Variants in SLIT3 observed in about 807,000 individuals in gnomAD.
SLIT3 encodes slit homolog 3 protein.
SLIT3 carries 68 observed loss-of-function variants against 184.0 expected under a neutral mutation model. The ratio of observed to expected loss-of-function variants is 0.37; its 90% CI spans 0.30 to 0.45. SLIT3 has a LOEUF of 0.45. Among genes scored for constraint, SLIT3 ranks in the 20% least tolerant of loss-of-function variants. The pLI, the probability that SLIT3 is intolerant of heterozygous loss-of-function variation, is 1.00. For missense variants in SLIT3, 1,707 were observed against 2,026.0 expected, an observed-to-expected ratio of 0.84 and a Z score of 3.02; for synonymous variants, 831 against 828.6, an observed-to-expected ratio of 1.00 and a Z score of -0.05.
intron 4 of SLIT3, among the ~76,000 whole-genome samples, chr5:169,193,147 C>T (rs1454586712): frequency 1.3e-5 from 2 of 152,166 alleles, no homozygotes; most frequent in African/African-American, 4.8e-5. Context: ...ATAAACCTAT[C>T]TCAAACCCCA....
At chr5:168,799,269 C>T (rs996373439) in intron 9 of SLIT3, among the ~76,000 whole-genome samples, 5 of 152,228 alleles carry the variant, frequency 3.3e-5, no homozygotes, top group African/African-American at 4.8e-5. Flanking sequence ...GAAGCATTTG[C>T]ATCAGCAAAA....
At chr5:168,669,089 A>G (rs1335562315) in intron 35 of SLIT3, among the ~76,000 whole-genome samples, 1 of 152,180 alleles carries the variant, frequency 6.6e-6, no homozygotes, top group African/African-American at 2.4e-5. Context: ...CAACCCTATA[A>G]AGAAGCACAG....
intron 4 of SLIT3, among the ~76,000 whole-genome samples, chr5:169,148,399 G>GA (rs1211867633): frequency 6.6e-6 from 1 of 152,176 alleles, no homozygotes; most frequent in Admixed American, 6.5e-5. Flanking sequence ...CACACGGGCA[G>GA]AAAAAACAGA....
At chr5:168,695,950 A>G (rs1309376606) in intron 28 of SLIT3, among the ~76,000 whole-genome samples, 2 of 152,228 alleles carry the variant, frequency 1.3e-5, no homozygotes, top group Non-Finnish European at 2.9e-5. Flanking sequence ...CTAGACCTGA[A>G]GGAAGCATAA....
chr5:168,758,251 G>T (rs1463560319), intron 16 of SLIT3, among the ~76,000 whole-genome samples: 1 of 152,156 alleles, frequency 6.6e-6, no homozygotes, highest in Non-Finnish European at 1.5e-5. Flanking sequence ...GGGGCATACA[G>T]AAATATTCTC....
intron 13 of SLIT3, among the ~76,000 whole-genome samples, chr5:168,773,851 C>T (rs895037648): frequency 1.3e-5 from 2 of 152,150 alleles, no homozygotes; most frequent in Non-Finnish European, 2.9e-5. Flanking sequence ...ACAGTGACCA[C>T]AGGGGTTATG....
intron 4 of SLIT3, among the ~76,000 whole-genome samples, chr5:169,027,311 G>A (rs1467269105): frequency 6.6e-6 from 1 of 152,182 alleles, no homozygotes; most frequent in Non-Finnish European, 1.5e-5. Context: ...GCTTTAGATA[G>A]AAAAGACTAG....
At chr5:169,015,102 A>G (rs2113469284) in intron 4 of SLIT3, among the ~76,000 whole-genome samples, 1 of 138,548 alleles carries the variant, frequency 7.2e-6, no homozygotes, top group Admixed American at 7.3e-5. Flanking sequence ...AACTAACTGG[A>G]CAAAAAAAAA....
intron 4 of SLIT3, among the ~76,000 whole-genome samples, chr5:169,032,922 A>ATTTTTTTTTTTTTTTT (rs199911562): frequency 1.1e-5 from 1 of 88,132 alleles, no homozygotes; most frequent in Non-Finnish European, 2.4e-5. Flanking sequence ...TTTTTCCTTG[A>ATTTTTTTTTTTTTTTT]TTTTTTTTTT....
At position 169,286,744 on chromosome 5, in the gene SLIT3, C is replaced by CA. The variant is rs555011121; in HGVS notation, c.197+13768dup. ...CCTCTCGACAAAGCTATTTTCCCCC[C>CA]ACACAACTACACACAGTCACATTTG... On this transcript the variant is annotated intron_variant, in intron 1 of 35. Transcript: ENST00000519560. Among the ~76,000 whole-genome samples, 12 of 152,326 alleles carry CA rather than the reference C, an allele frequency of 7.9e-5. No individual in the cohort carries two copies. In the East Asian group the frequency reaches 2.1e-3, roughly 27 times the overall value.
chr5:168,936,865 A>T (rs1470111399), intron 4 of SLIT3, among the ~76,000 whole-genome samples: 1 of 152,164 alleles, frequency 6.6e-6, no homozygotes, highest in East Asian at 1.9e-4. Context: ...AACTGGGGCT[A>T]CTGTGGTAAA....
chr5:169,286,075 A>G (rs1767141481), intron 1 of SLIT3, among the ~76,000 whole-genome samples: 1 of 152,204 alleles, frequency 6.6e-6, no homozygotes, highest in Non-Finnish European at 1.5e-5. Flanking sequence ...TAAGCTTGAC[A>G]TGTATTACCT....
At chr5:168,728,725 C>T (rs1399518743) in intron 20 of SLIT3, among the ~76,000 whole-genome samples, 1 of 151,816 alleles carries the variant, frequency 6.6e-6, no homozygotes, top group Non-Finnish European at 1.5e-5. Flanking sequence ...TTGAGACCAG[C>T]CTGCGCAACA....
intron 4 of SLIT3, among the ~76,000 whole-genome samples, chr5:168,903,958 T>C (rs1409353270): frequency 2.6e-5 from 4 of 152,186 alleles, no homozygotes; most frequent in South Asian, 2.1e-4. Flanking sequence ...ACTGAGTTTG[T>C]TGAACCCCAG....
chr5:168,899,760 G>C (rs1561995352), intron 4 of SLIT3, among the ~76,000 whole-genome samples: 1 of 151,778 alleles, frequency 6.6e-6, no homozygotes. Context: ...TTAAACGCTT[G>C]AGTTCTGAAA....
At chr5:168,698,622 G>A (rs941361530) in intron 27 of SLIT3, among the ~76,000 whole-genome samples, 1 of 152,110 alleles carries the variant, frequency 6.6e-6, no homozygotes, top group Non-Finnish European at 1.5e-5. Context: ...CACCCAGTCT[G>A]TGGTTATTAT....
At chr5:169,211,967 C>CT (rs1049679021) in intron 3 of SLIT3, among the ~76,000 whole-genome samples, 16 of 152,256 alleles carry the variant, frequency 1.1e-4, no homozygotes, top group Admixed American at 9.2e-4. Flanking sequence ...TCAACTCATC[C>CT]TTTTTTATGG....
At chr5:169,232,872 C>G (rs910494415) in intron 3 of SLIT3, among the ~76,000 whole-genome samples, 2 of 152,122 alleles carry the variant, frequency 1.3e-5, no homozygotes, top group South Asian at 4.1e-4. Flanking sequence ...GAGAGAGTTG[C>G]CATATTTGCA....
chr5:169,046,993 ATT>A (rs1363524827), intron 4 of SLIT3, among the ~76,000 whole-genome samples: 1 of 152,144 alleles, frequency 6.6e-6, no homozygotes. Context: ...AGACATACTA[ATT>A]CTGACATTAT....
Sources: gnomAD v4.1 joint callset for allele counts (sites outside exome capture counted in the v4.1 genomes callset) on GRCh38, gnomAD v4.1.1 for gene constraint, MANE v1.5 for transcripts, NCBI Gene and HGNC (gene_info 2026-07-23, HGNC 2026-07-21) for gene names.